Variants in PTPRN2 observed in about 807,000 individuals in gnomAD.
PTPRN2 encodes protein tyrosine phosphatase receptor type N2, also known as receptor-type tyrosine-protein phosphatase N2.
A neutral mutation model predicts 118.8 loss-of-function variants in PTPRN2; 74 were observed. The ratio of observed to expected loss-of-function variants is 0.62; its 90% CI spans 0.52 to 0.76. PTPRN2 has a LOEUF of 0.76. Among genes scored for constraint, PTPRN2 ranks in the 30% least tolerant of loss-of-function variants. The probability of loss-of-function intolerance (pLI) is 0.00; values close to 1 mark genes in which losing one functional copy is unlikely to be tolerated. For synonymous variants in PTPRN2, 641 were observed against 608.0 expected (o/e 1.05, Z -0.80); for missense variants, 1,481 against 1,394.4 (o/e 1.06, Z -0.99).
At chr7:158,100,195 G>T (rs1204929498) in intron 10 of PTPRN2, among the ~76,000 whole-genome samples, 1 of 151,884 alleles carries the variant, frequency 6.6e-6, no homozygotes, top group Non-Finnish European at 1.5e-5. Context: ...CCAGCTTGCT[G>T]TGAATGCCAT....
At chr7:158,167,420 C>A (rs1823135195) in intron 5 of PTPRN2, 129 bp from the exon 6 acceptor site, 1 of 1,260,998 alleles carries the variant, frequency 7.9e-7, no homozygotes, top group Admixed American at 2.6e-5. Context: ...GCCCTTCGGT[C>A]TCAGGTTCAA....
chr7:157,675,127 T>C (rs563261114), intron 13 of PTPRN2, among the ~76,000 whole-genome samples: 1 of 152,288 alleles, frequency 6.6e-6, no homozygotes, highest in East Asian at 1.9e-4. Context: ...ATCCACTTTT[T>C]TACACTTCCC....
chr7:158,076,709 C>T (rs1051248214), intron 11 of PTPRN2, among the ~76,000 whole-genome samples: 9 of 152,302 alleles, frequency 5.9e-5, no homozygotes, highest in East Asian at 1.9e-4. Flanking sequence ...CTGAGACCCA[C>T]GCTAGTCCCT....
At chr7:158,066,210 C>A (rs1810759957) in intron 11 of PTPRN2, among the ~76,000 whole-genome samples, 1 of 152,272 alleles carries the variant, frequency 6.6e-6, no homozygotes, top group African/African-American at 2.4e-5. Flanking sequence ...GGTGTGCCCC[C>A]TCTGCCTCCC....
In PTPRN2 at chr7:158,070,930, T is replaced by TCCTGGTGGTGGAGGTGCC; in HGVS notation, c.1723+10350_1723+10367dup. ...GAGGTGCCCATGGTGCTGGAGGTGC[T>TCCTGGTGGTGGAGGTGCC]CCTGGTGGTGGAGGTGCCCGTGGTG... On this transcript the variant is annotated intron_variant, in intron 11 of 22. Coordinates refer to ENST00000389418, the MANE Select transcript of PTPRN2 (RefSeq NM_002847.5). Among the ~76,000 whole-genome samples the TCCTGGTGGTGGAGGTGCC allele has an allele frequency of 4.0e-5, 2 of 49,914 alleles. 1 individual carries two copies. The highest frequency in any genetic ancestry group is 3.8e-4 in the Admixed American group (2 of 5,220). The allele number at this position is 49,914 out of a possible 152,430, so 32.7% of individuals were successfully genotyped here. A position where few individuals can be genotyped will look rare whatever the true frequency, so the allele number is the denominator to read the frequency against.
At chr7:157,750,025 T>C (rs1801366899) in intron 12 of PTPRN2, among the ~76,000 whole-genome samples, 1 of 152,048 alleles carries the variant, frequency 6.6e-6, no homozygotes, top group African/African-American at 2.4e-5. Context: ...TTCGGGTGAC[T>C]CTGAGGCCTG....
At chr7:157,833,981 C>T (rs1428815684) in intron 12 of PTPRN2, among the ~76,000 whole-genome samples, 2 of 152,220 alleles carry the variant, frequency 1.3e-5, no homozygotes, top group African/African-American at 4.8e-5. Context: ...TGACCTGGTG[C>T]CGAAAGAAGG....
Position 158,337,616 on chromosome 7 carries a change from GAGGAGACACCTGCAGACGTCATT to G in PTPRN2, c.164-20707_164-20685del, listed in dbSNP as rs1805923124. Among the ~76,000 whole-genome samples, 5 of 32,480 alleles carry G rather than the reference GAGGAGACACCTGCAGACGTCATT, an allele frequency of 1.5e-4. No individual in the cohort carries two copies. In the Admixed American group the frequency reaches 1.6e-3, roughly 10 times the overall value. The allele number at this position is 32,480 out of a possible 152,430, so 21.3% of individuals were successfully genotyped here. On this transcript the variant is annotated intron_variant, in intron 2 of 22. Coordinates refer to ENST00000389418, the MANE Select transcript of PTPRN2 (RefSeq NM_002847.5). ...ACTCACACCCACACTCTCACCATAA[GAGGAGACACCTGCAGACGTCATT>G]CACACCCACACTCTCACCATAATTG... is the stretch of plus-strand genomic sequence containing the variant.
rs1800486623 is a variant in PTPRN2, at chr7:157,583,184, C to A, written c.2497-5044G>T. Among the ~76,000 whole-genome samples the A allele has an allele frequency of 6.6e-6, 1 of 152,046 alleles. No homozygotes were observed. Among genetic ancestry groups the A allele is most frequent in the Admixed American group, 6.5e-5 (1 of 15,272 alleles). On this transcript the variant is annotated intron_variant, in intron 17 of 22. Transcript: ENST00000389418. The surrounding 1 kb of genome is among the most constrained non-coding windows in gnomAD (Gnocchi z 5.5). ...GTCATTTTTGACAACATGGATGAACCTGGAGGACACGACGTTAAATTGAAA... is the reference window on the plus strand; with the variant it reads ...GTCATTTTTGACAACATGGATGAACATGGAGGACACGACGTTAAATTGAAA...
At chr7:157,820,125 TACATGCACACAGCAGACCCCCACAC>T in intron 12 of PTPRN2, among the ~76,000 whole-genome samples, 1 of 139,398 alleles carries the variant, frequency 7.2e-6, no homozygotes, top group Admixed American at 7.1e-5. Flanking sequence ...GCACTCCACA[TACATGCACACAGCAGACCCCCACAC>T]ACGCACACAC....
chr7:158,044,332 G>A (rs1808685339), intron 11 of PTPRN2, among the ~76,000 whole-genome samples: 1 of 152,158 alleles, frequency 6.6e-6, no homozygotes, highest in African/African-American at 2.4e-5. Context: ...GGCAGGGGTG[G>A]GGGGCGTCCT....
chr7:158,465,900 C>T (rs1196900657), intron 2 of PTPRN2, among the ~76,000 whole-genome samples: 1 of 152,170 alleles, frequency 6.6e-6, no homozygotes, highest in East Asian at 1.9e-4. Flanking sequence ...GCCTGGGGAC[C>T]CGCAGTCACA....
Position 157,550,361 on chromosome 7 carries a change from C to T in PTPRN2, c.2903-1342G>A, listed in dbSNP as rs556537146. On this transcript the variant is annotated intron_variant, in intron 21 of 22. Coordinates refer to ENST00000389418, the MANE Select transcript of PTPRN2 (RefSeq NM_002847.5). The surrounding 1 kb of genome is among the most constrained non-coding windows in gnomAD (Gnocchi z 5.2). ...AGAACTGCGGGCAGCTAGGAGGGAA[C>T]GGCAGGGGTGGCGGGGAGGCCTGGG... Among the ~76,000 whole-genome samples the T allele has an allele frequency of 1.3e-3, 191 of 152,272 alleles. 2 individuals carry two copies. Among genetic ancestry groups the T allele is most frequent in the Admixed American group, 2.4e-3 (37 of 15,304 alleles).
At chr7:158,441,254 G>GATAGTA (rs1817127046) in intron 2 of PTPRN2, among the ~76,000 whole-genome samples, 1 of 101,332 alleles carries the variant, frequency 9.9e-6, no homozygotes, top group African/African-American at 2.9e-5. Context: ...AGGTGATGGT[G>GATAGTA]ATGGTGATGG....
At chr7:158,194,079 CCT>C (rs754187804) in intron 4 of PTPRN2, among the ~76,000 whole-genome samples, 6 of 151,284 alleles carry the variant, frequency 4.0e-5, no homozygotes, top group Non-Finnish European at 8.8e-5. Flanking sequence ...AGAGGAAGAC[CCT>C]GTTTCAACAA....
At chr7:158,387,250 T>C (rs1376250998) in intron 2 of PTPRN2, among the ~76,000 whole-genome samples, 1 of 152,166 alleles carries the variant, frequency 6.6e-6, no homozygotes, top group Non-Finnish European at 1.5e-5. Flanking sequence ...AACCTTTCCA[T>C]GAAACTTTCA....
Position 157,690,991 on chromosome 7 carries a change from C to T in PTPRN2, c.1789-8054G>A, listed in dbSNP as rs1194777012. Among the ~76,000 whole-genome samples, 4 of 147,790 alleles carry T rather than the reference C, an allele frequency of 2.7e-5. No homozygotes were observed. The highest frequency in any genetic ancestry group is 6.7e-5 in the Admixed American group (1 of 14,912). On this transcript the variant is annotated intron_variant, in intron 12 of 22. Coordinates refer to ENST00000389418, the MANE Select transcript of PTPRN2 (RefSeq NM_002847.5). The surrounding 1 kb of genome is among the most constrained non-coding windows in gnomAD (Gnocchi z 7.1). ...CAACCAGCGCGGCCGCCGCGCCCCGCCTTATATCCGGCCCGGCGCGCACCC... is the reference window on the plus strand; with the variant it reads ...CAACCAGCGCGGCCGCCGCGCCCCGTCTTATATCCGGCCCGGCGCGCACCC...
chr7:157,971,625 G>A (rs1384076945), intron 11 of PTPRN2, among the ~76,000 whole-genome samples: 1 of 151,698 alleles, frequency 6.6e-6, no homozygotes, highest in Non-Finnish European at 1.5e-5. Flanking sequence ...CCTGTTTTAC[G>A]ATTAAGTGCA....
intron 3 of PTPRN2, among the ~76,000 whole-genome samples, chr7:158,294,742 T>C (rs926936030): frequency 1.1e-4 from 17 of 152,170 alleles, no homozygotes; most frequent in Admixed American, 3.9e-4. Context: ...CAGAATTCAG[T>C]GTGCTTCTAT....
Sources: allele counts gnomAD v4.1 joint callset (sites outside exome capture counted in the v4.1 genomes callset), GRCh38; gene constraint gnomAD v4.1.1; non-coding constraint Gnocchi (gnomAD v3.1); transcripts MANE v1.5; gene names NCBI Gene and HGNC (gene_info 2026-07-23, HGNC 2026-07-21).